The following UGT1A10 variants were observed in gnomAD, a reference collection of about 807,000 sequenced individuals.
UGT1A10 encodes UDP glucuronosyltransferase family 1 member A10, also known as UDP-glucuronosyltransferase 1A10.
In UGT1A10, 49 loss-of-function variants were observed where a neutral mutation model predicts 45.8. The observed-to-expected ratio is 1.07, with a 90% confidence interval of 0.85 to 1.36. The LOEUF is 1.36. UGT1A10 is among the 40% of genes most tolerant of loss of function. UGT1A10 has a pLI of 0.00. For synonymous variants in UGT1A10, 284 were observed against 249.7 expected (o/e 1.14, Z -1.29); for missense variants, 745 against 668.6 (o/e 1.11, Z -1.26).
chr2:233,678,255 A>G (rs112602572), intron 1 of UGT1A10, among the ~76,000 whole-genome samples: 120 of 152,360 alleles, frequency 7.9e-4, no homozygotes, highest in African/African-American at 2.9e-3. Context: ...CCCAAACATC[A>G]GCATCACACA....
chr2:233,752,951 A>G (rs745809226), intron 1 of UGT1A10, among the ~76,000 whole-genome samples: 1 of 152,216 alleles, frequency 6.6e-6, no homozygotes, highest in Admixed American at 6.5e-5. Flanking sequence ...CCACTGAACA[A>G]TGGGATTTAT....
At chr2:233,760,728 C>T (rs1697540030) in intron 1 of UGT1A10, 1 of 1,614,064 alleles carries the variant, frequency 6.2e-7, no homozygotes, top group African/African-American at 1.3e-5. Context: ...GCTTTGATGT[C>T]ATGCTGACGG....
intron 1 of UGT1A10, among the ~76,000 whole-genome samples, chr2:233,705,399 C>T (rs2075845661): frequency 6.6e-6 from 1 of 152,166 alleles, no homozygotes; most frequent in African/African-American, 2.4e-5. Flanking sequence ...TGATACTCAT[C>T]AGAGACTTGT....
chr2:233,717,965 T>C (rs535452476), intron 1 of UGT1A10: 52 of 449,572 alleles, frequency 1.2e-4, no homozygotes, highest in African/African-American at 5.6e-4. Flanking sequence ...CTGGAGCCTT[T>C]GGCATTCAGA....
In UGT1A10 at chr2:233,769,690, G is replaced by A; in HGVS notation, c.1295+1251G>A. ...GTGCTAATGTGTGTGTGGTGGCACT[G>A]GATAAAAGATCAATGTTGGCTAGGC... On this transcript the variant is annotated intron_variant, in intron 4 of 4. Transcript: ENST00000344644. The surrounding 1 kb of genome is among the most constrained non-coding windows in gnomAD (Gnocchi z 4.4). The A allele has an allele frequency of 6.5e-7, 1 of 1,547,510 alleles. No homozygotes were observed. Among genetic ancestry groups the A allele is most frequent in the African/African-American group, 1.4e-5 (1 of 73,636 alleles).
chr2:233,724,316 G>C (rs1421066037), intron 1 of UGT1A10, among the ~76,000 whole-genome samples: 63 of 131,144 alleles, frequency 4.8e-4, no homozygotes, highest in East Asian at 1.0e-3. Context: ...TCCCGGACGG[G>C]GCGGCTGGCC....
intron 1 of UGT1A10, chr2:233,743,443 T>A (rs1388678157): frequency 7.3e-7 from 1 of 1,363,152 alleles, no homozygotes; most frequent in Non-Finnish European, 9.8e-7. Context: ...AAATCCTGTA[T>A]CAAAAGAAGA....
chr2:233,687,313 T>G (rs2074832354), intron 1 of UGT1A10, among the ~76,000 whole-genome samples: 1 of 152,142 alleles, frequency 6.6e-6, no homozygotes, highest in African/African-American at 2.4e-5. Context: ...TGTTGTCTTC[T>G]TGATGCAAGT....
At chr2:233,677,456 A>T (rs754248202) in intron 1 of UGT1A10, among the ~76,000 whole-genome samples, 2 of 152,246 alleles carry the variant, frequency 1.3e-5, no homozygotes, top group African/African-American at 4.8e-5. Context: ...AAGCCTTGCC[A>T]ATACCATAAA....
intron 1 of UGT1A10, among the ~76,000 whole-genome samples, chr2:233,670,499 T>G (rs982647934): frequency 6.6e-6 from 1 of 152,252 alleles, no homozygotes; most frequent in Admixed American, 6.5e-5. Flanking sequence ...AAAAGTAGTC[T>G]TAATAATTGG....
chr2:233,700,162 G>A (rs2075547440), intron 1 of UGT1A10, among the ~76,000 whole-genome samples: 1 of 152,192 alleles, frequency 6.6e-6, no homozygotes, highest in Non-Finnish European at 1.5e-5. Flanking sequence ...GTCTTTACAA[G>A]GAATGCTCAT....
chr2:233,731,238 T>A (rs2078125574), intron 1 of UGT1A10, among the ~76,000 whole-genome samples: 1 of 152,108 alleles, frequency 6.6e-6, no homozygotes, highest in South Asian at 2.1e-4. Context: ...TGTTGAAAAG[T>A]GGGATGGCAT....
intron 1 of UGT1A10, among the ~76,000 whole-genome samples, chr2:233,735,271 G>A (rs1195301760): frequency 1.3e-5 from 2 of 152,034 alleles, no homozygotes; most frequent in Non-Finnish European, 2.9e-5. Context: ...TTATGTAATG[G>A]CCTTCTTTGT....
Position 233,742,350 on chromosome 2 carries a change from T to G in UGT1A10, c.856-24684T>G, listed in dbSNP as rs566927246. On this transcript the variant is annotated intron_variant, in intron 1 of 4. Transcript: ENST00000344644. ...CAAAGGGATGGGCTCTGGCTAATTATCTGCAGCAGAAACATGTCCTTAAGG... is the reference window on the plus strand; with the variant it reads ...CAAAGGGATGGGCTCTGGCTAATTAGCTGCAGCAGAAACATGTCCTTAAGG... Among the ~76,000 whole-genome samples, 10 of 152,136 alleles carry G rather than the reference T, an allele frequency of 6.6e-5. No homozygotes were observed. The East Asian group carries it at 9.6e-4, about 15-fold the overall frequency.
intron 1 of UGT1A10, chr2:233,729,534 C>T (rs1281653425): frequency 6.2e-7 from 1 of 1,614,090 alleles, no homozygotes; most frequent in Non-Finnish European, 8.5e-7. Context: ...ATAATGAGGC[C>T]CTGATCAGGC....
intron 4 of UGT1A10, chr2:233,771,165 A>T (rs927521180): frequency 6.6e-6 from 1 of 152,234 alleles, no homozygotes; most frequent in African/African-American, 2.4e-5. Context: ...CATCTCCAGC[A>T]CTGGGGATTA....
chr2:233,719,086 T>C lies in UGT1A10; in HGVS notation c.856-47948T>C, dbSNP rs374586565. The stretch of plus-strand genomic sequence containing the variant: ...GCTGTTCCATGGACCCAGAAGGAAT[T>C]TGATCGCGTTACGCTGGGCTACACT... On this transcript the variant is annotated intron_variant, in intron 1 of 4. Transcript: ENST00000344644. 69 of 1,614,132 alleles carry C rather than the reference T, an allele frequency of 4.3e-5. No individual in the cohort carries two copies. The highest frequency in any genetic ancestry group is 5.4e-5 in the Non-Finnish European group (64 of 1,180,050).
chr2:233,664,970 G>A (rs1440702939), intron 1 of UGT1A10, among the ~76,000 whole-genome samples: 2 of 152,184 alleles, frequency 1.3e-5, no homozygotes, highest in Admixed American at 6.6e-5. Context: ...AAAAACCACA[G>A]TGAGAAATGA....
At chr2:233,652,326 C>T (rs1375723198) in intron 1 of UGT1A10, among the ~76,000 whole-genome samples, 1 of 152,128 alleles carries the variant, frequency 6.6e-6, no homozygotes, top group Non-Finnish European at 1.5e-5. Context: ...GTAATGAGCA[C>T]CCATATATCC....
Sources: gnomAD v4.1 joint callset for allele counts (sites outside exome capture counted in the v4.1 genomes callset) on GRCh38, gnomAD v4.1.1 for gene constraint, Gnocchi (gnomAD v3.1) non-coding constraint, MANE v1.5 for transcripts, NCBI Gene and HGNC (gene_info 2026-07-23, HGNC 2026-07-21) for gene names.